Variants in MSL2 observed in about 807,000 individuals in gnomAD.
MSL2 encodes E3 ubiquitin-protein ligase MSL2.
A neutral mutation model predicts 35.8 loss-of-function variants in MSL2; 2 were observed. The ratio of observed to expected loss-of-function variants is 0.06; its 90% CI spans 0.02 to 0.18. The LOEUF is 0.18. Ranked by LOEUF, MSL2 falls within the 10% of genes least tolerant of loss-of-function variation. The pLI, the probability that MSL2 is intolerant of heterozygous loss-of-function variation, is 1.00. For missense variants in MSL2, 523 were observed against 706.7 expected (o/e 0.74, Z 2.95); for synonymous variants, 296 against 255.7 (o/e 1.16, Z -1.50).
intron 1 of MSL2, among the ~76,000 whole-genome samples, chr3:136,156,885 TTA>T (rs2108062851): frequency 6.6e-6 from 1 of 152,072 alleles, no homozygotes; most frequent in South Asian, 2.1e-4. Flanking sequence ...AATAAATAAA[TTA>T]TGTTTCCTCC....
intron 1 of MSL2, among the ~76,000 whole-genome samples, chr3:136,161,582 T>C (rs1427140651): frequency 1.3e-5 from 2 of 152,178 alleles, no homozygotes; most frequent in African/African-American, 2.4e-5. Flanking sequence ...TCCAAAACAT[T>C]TGCTAAGTGA....
rs567341674 is a variant in MSL2, at chr3:136,158,890, AG to A, written c.143-6153del. On this transcript the variant is annotated intron_variant, in intron 1 of 1. Coordinates refer to ENST00000309993, the MANE Select transcript of MSL2 (RefSeq NM_018133.4). ...CATCAAGAATATACTTAAAATATTT[AG>A]AAAAACTTTAACAAAGACTTCTACA... Among the ~76,000 whole-genome samples, 11 of 152,350 alleles carry A rather than the reference AG, an allele frequency of 7.2e-5. No individual in the cohort carries two copies. The East Asian group carries it at 2.1e-3, about 29-fold the overall frequency.
chr3:136,168,613 G>A (rs895736182), intron 1 of MSL2, among the ~76,000 whole-genome samples: 6 of 152,148 alleles, frequency 3.9e-5, no homozygotes, highest in African/African-American at 1.4e-4. Flanking sequence ...GCCTGTTGGG[G>A]GTAGGGAGCT....
At chr3:136,188,845 T>A (rs1347370678) in intron 1 of MSL2, among the ~76,000 whole-genome samples, 2 of 151,526 alleles carry the variant, frequency 1.3e-5, no homozygotes, top group Admixed American at 1.3e-4. Flanking sequence ...TACAGTACCA[T>A]ACTGCCTGCC....
chr3:136,156,458 A>T (rs1187019468), intron 1 of MSL2, among the ~76,000 whole-genome samples: 1 of 152,262 alleles, frequency 6.6e-6, no homozygotes, highest in African/African-American at 2.4e-5. Flanking sequence ...CATCATCTAC[A>T]GAAAGCTATA....
At chr3:136,172,539 C>T (rs996635693) in intron 1 of MSL2, among the ~76,000 whole-genome samples, 2 of 152,186 alleles carry the variant, frequency 1.3e-5, no homozygotes, top group African/African-American at 4.8e-5. Context: ...ATGTAGTGGG[C>T]ACTTCTGGTT....
rs552016203 is a variant in MSL2 at position 136,194,183 on chromosome 3, C to G, written c.142+789G>C. Among the ~76,000 whole-genome samples the G allele has an allele frequency of 3.9e-5, 6 of 152,232 alleles. No individual in the cohort carries two copies. In the South Asian group the frequency reaches 1.2e-3, roughly 32 times the overall value. On this transcript the variant is annotated intron_variant, in intron 1 of 1. Transcript: ENST00000309993. Reference sequence around the variant, plus strand: ...GTTTCAGTCCAGGTTTTTCGAAAAGCAAGTAATTATTACACACGCACAGTT... The same window carrying G: ...GTTTCAGTCCAGGTTTTTCGAAAAGGAAGTAATTATTACACACGCACAGTT...
intron 1 of MSL2, among the ~76,000 whole-genome samples, chr3:136,193,573 G>A (rs183932035): frequency 1.3e-5 from 2 of 150,902 alleles, no homozygotes; most frequent in Admixed American, 6.6e-5. Context: ...ATCAAAATAT[G>A]TGAGGACATT....
In MSL2 at chr3:136,152,212, A is replaced by G. The variant is rs768985952; in HGVS notation, c.669T>C (p.Thr223=). 2 of 1,614,182 alleles carry G rather than the reference A, an allele frequency of 1.2e-6. No homozygotes were observed. The highest frequency in any genetic ancestry group is 2.2e-5 in the South Asian group (2 of 91,084). The change falls in exon 2 of 2, where the codon ACT becomes ACC. Residue 223 remains threonine, a synonymous_variant. Coordinates refer to ENST00000309993, the MANE Select transcript of MSL2 (RefSeq NM_018133.4). ...EHSNTIDVCN[T]VDIKTEDLSD... ...ACAGATCCTCAGTTTTTATGTCAAC[A>G]GTATTACATACGTCAATCGTATTTG...
At chr3:136,156,315 G>A (rs1471692662) in intron 1 of MSL2, among the ~76,000 whole-genome samples, 1 of 152,190 alleles carries the variant, frequency 6.6e-6, no homozygotes, top group East Asian at 1.9e-4. Flanking sequence ...AGTAATGGAA[G>A]TCCGTCTGCA....
chr3:136,156,388 A>T (rs1244541713), intron 1 of MSL2, among the ~76,000 whole-genome samples: 1 of 152,206 alleles, frequency 6.6e-6, no homozygotes, highest in East Asian at 1.9e-4. Flanking sequence ...GGGTTACTTG[A>T]CTGGTGATTA....
intron 1 of MSL2, among the ~76,000 whole-genome samples, chr3:136,183,429 T>C (rs1248776226): frequency 6.6e-6 from 1 of 151,390 alleles, no homozygotes; most frequent in Non-Finnish European, 1.5e-5. Flanking sequence ...TTTTGTTTTT[T>C]GGTTTTTTTT....
chr3:136,190,849 T>G (rs1386253076), intron 1 of MSL2, among the ~76,000 whole-genome samples: 1 of 152,220 alleles, frequency 6.6e-6, no homozygotes, highest in African/African-American at 2.4e-5. Context: ...GTACCCATAG[T>G]GATTTTTGTC....
chr3:136,189,812 G>A (rs1032836846), intron 1 of MSL2, among the ~76,000 whole-genome samples: 2 of 151,458 alleles, frequency 1.3e-5, no homozygotes, highest in African/African-American at 4.9e-5. Flanking sequence ...TAACACCAAT[G>A]TTTAACCTCT....
chr3:136,192,260 C>A (rs1280564962), intron 1 of MSL2, among the ~76,000 whole-genome samples: 1 of 152,186 alleles, frequency 6.6e-6, no homozygotes, highest in Non-Finnish European at 1.5e-5. Context: ...GCAACCTCTG[C>A]CTCCCAGGTT....
intron 1 of MSL2, among the ~76,000 whole-genome samples, chr3:136,192,336 A>G (rs1940712332): frequency 6.6e-6 from 1 of 151,796 alleles, no homozygotes; most frequent in African/African-American, 2.4e-5. Context: ...CTGCCACCAC[A>G]CCCAGCTAAT....
intron 1 of MSL2, among the ~76,000 whole-genome samples, chr3:136,175,523 G>A (rs897530193): frequency 3.3e-5 from 5 of 151,534 alleles, no homozygotes; most frequent in Non-Finnish European, 5.9e-5. Flanking sequence ...CTGCCTCTAC[G>A]AAAAATAAAC....
Position 136,151,611 on chromosome 3 carries a change from T to G in MSL2, c.1270A>C (p.Lys424Gln). Residue 424 changes from lysine to glutamine, a missense_variant, in exon 2 of 2, where the codon AAG becomes CAG. Lys to Gln is a moderately conservative substitution (Grantham distance 53). Around this residue, in one of 5 missense-constraint regions of MSL2, gnomAD observed 361 missense variants for 414.6 expected, o/e 0.87. Transcript: ENST00000309993. The surrounding 1 kb of genome is among the most constrained non-coding windows in gnomAD (Gnocchi z 5.2). ...HGSKKSHSKT[K>Q]PGILKKDKAV... is the part of the protein sequence containing the mutation. ...TTGTCTTTTTTAAGAATACCTGGCT[T>G]GGTTTTAGAGTGAGATTTCTTGGAT... The G allele has an allele frequency of 6.2e-7, 1 of 1,614,164 alleles. No homozygotes were observed.
intron 1 of MSL2, among the ~76,000 whole-genome samples, chr3:136,170,452 A>G (rs949897084): frequency 6.6e-6 from 1 of 150,778 alleles, no homozygotes; most frequent in Non-Finnish European, 1.5e-5. Flanking sequence ...TGTTTCAAAT[A>G]TACTTCACAG....
Sources: allele counts gnomAD v4.1 joint callset (sites outside exome capture counted in the v4.1 genomes callset), GRCh38; gene constraint gnomAD v4.1.1; regional missense constraint gnomAD v4.1.1; non-coding constraint Gnocchi (gnomAD v3.1); transcripts MANE v1.5; gene names NCBI Gene and HGNC (gene_info 2026-07-23, HGNC 2026-07-21).